The following ADTRP variants were observed in gnomAD, a reference collection of about 807,000 sequenced individuals.
ADTRP encodes androgen dependent TFPI regulating protein, also known as androgen-dependent TFPI-regulating protein.
Under a neutral mutation model 27.0 loss-of-function variants are expected in ADTRP, and 20 were observed. The ratio of observed to expected loss-of-function variants is 0.74; its 90% CI spans 0.52 to 1.08. The LOEUF (loss-of-function observed/expected upper bound fraction) is 1.08, where lower values mean the gene tolerates loss of function less well. Among genes scored for constraint, ADTRP ranks in the 50% least tolerant of loss-of-function variants. ADTRP has a pLI of 0.00. For missense variants in ADTRP, 251 were observed against 275.0 expected (o/e 0.91, Z 0.62); for synonymous variants, 101 against 105.2 (o/e 0.96, Z 0.25).
intron 1 of ADTRP, among the ~76,000 whole-genome samples, chr6:11,768,756 G>T (rs927160449): frequency 6.6e-6 from 1 of 152,116 alleles, no homozygotes; most frequent in Admixed American, 6.6e-5. Flanking sequence ...GCAGATACAG[G>T]GTGGACAGAG....
intron 5 of ADTRP, chr6:11,717,037 T>G: frequency 3.7e-6 from 1 of 270,834 alleles, no homozygotes; most frequent in South Asian, 3.9e-5. Context: ...TCTGACCATG[T>G]TTCTATAACG....
intron 1 of ADTRP, among the ~76,000 whole-genome samples, chr6:11,777,442 C>A (rs934742850): frequency 6.6e-6 from 1 of 151,896 alleles, no homozygotes. Flanking sequence ...AATAGAGACA[C>A]AAACCTTAGG....
rs1763643012 is a variant in ADTRP at position 11,768,361 on chromosome 6, C to A, written c.176G>T (p.Gly59Val). ...CAGCACATCATCCAGGCAGGTGACCCCGTAGAAAATGGTCTGCAAGAGCTA... is the reference window on the plus strand; with the variant it reads ...CAGCACATCATCCAGGCAGGTGACCACGTAGAAAATGGTCTGCAAGAGCTA... Reference protein sequence around the residue: ...LNLLLQTIFYGVTCLDDVLKR... With the variant: ...LNLLLQTIFYVVTCLDDVLKR... The change falls in exon 2 of 6, where the codon GGG becomes GTG. Residue 59 changes from glycine to valine, a missense_variant. Gly to Val is a moderately radical substitution (Grantham distance 109, BLOSUM62 -3). Coordinates refer to ENST00000414691, the MANE Select transcript of ADTRP (RefSeq NM_032744.4). 2 of 1,614,042 alleles carry A rather than the reference C, an allele frequency of 1.2e-6. No individual in the cohort carries two copies. The highest frequency in any genetic ancestry group is 1.3e-5 in the African/African-American group (1 of 74,930).
intron 4 of ADTRP, among the ~76,000 whole-genome samples, chr6:11,730,129 C>A (rs906322609): frequency 6.6e-6 from 1 of 152,214 alleles, no homozygotes; most frequent in South Asian, 2.1e-4. Flanking sequence ...ATACCCTCTC[C>A]TCTCCTAGTC....
chr6:11,758,113 G>A (rs575886787), intron 3 of ADTRP, among the ~76,000 whole-genome samples: 1 of 152,316 alleles, frequency 6.6e-6, no homozygotes, highest in African/African-American at 2.4e-5. Flanking sequence ...AATCTGTGCA[G>A]TGGGAAGTGA....
At chr6:11,742,864 G>T (rs1762760754) in intron 3 of ADTRP, among the ~76,000 whole-genome samples, 1 of 152,078 alleles carries the variant, frequency 6.6e-6, no homozygotes. Flanking sequence ...TGTTTTGTTT[G>T]TTTTTGTTCC....
intron 2 of ADTRP, among the ~76,000 whole-genome samples, chr6:11,766,743 T>C (rs1170734897): frequency 6.6e-6 from 1 of 152,168 alleles, no homozygotes; most frequent in Non-Finnish European, 1.5e-5. Context: ...AGTAGGCACA[T>C]GGAGTAGCTT....
intron 1 of ADTRP, among the ~76,000 whole-genome samples, chr6:11,769,854 G>A (rs1328360695): frequency 1.3e-5 from 2 of 152,098 alleles, no homozygotes; most frequent in Non-Finnish European, 2.9e-5. Flanking sequence ...ACCACTGAAT[G>A]AGACCCAAGT....
intron 3 of ADTRP, among the ~76,000 whole-genome samples, chr6:11,760,754 C>A (rs1030463267): frequency 6.6e-6 from 1 of 152,176 alleles, no homozygotes; most frequent in African/African-American, 2.4e-5. Flanking sequence ...AACTCACGTG[C>A]CTAAATGGAA....
At chr6:11,743,611 C>T (rs558541793) in intron 3 of ADTRP, among the ~76,000 whole-genome samples, 3 of 152,330 alleles carry the variant, frequency 2.0e-5, no homozygotes, top group African/African-American at 7.2e-5. Flanking sequence ...AACACTCGTA[C>T]GTTCGCCTAA....
At chr6:11,723,626 A>C in intron 4 of ADTRP, 126 bp from the exon 5 acceptor site, 1 of 1,077,516 alleles carries the variant, frequency 9.3e-7, no homozygotes, top group African/African-American at 1.6e-5. Context: ...GTTTGTCAAC[A>C]GCTGTAGTAT....
At chr6:11,728,849 GA>G (rs1273879178) in intron 4 of ADTRP, among the ~76,000 whole-genome samples, 3 of 152,132 alleles carry the variant, frequency 2.0e-5, no homozygotes, top group Non-Finnish European at 2.9e-5. Flanking sequence ...ACAGGCTCTG[GA>G]AATTTGGAAA....
At chr6:11,772,716 G>A (rs1763824388) in intron 1 of ADTRP, among the ~76,000 whole-genome samples, 1 of 152,246 alleles carries the variant, frequency 6.6e-6, no homozygotes, top group Admixed American at 6.5e-5. Context: ...ATTGGGGGCT[G>A]TGATGAGTCC....
intron 5 of ADTRP, among the ~76,000 whole-genome samples, chr6:11,721,919 A>G (rs1243142837): frequency 6.6e-6 from 1 of 151,520 alleles, no homozygotes; most frequent in Non-Finnish European, 1.5e-5. Context: ...AATTAACTCA[A>G]TACATTATTG....
intron 4 of ADTRP, among the ~76,000 whole-genome samples, chr6:11,734,955 CT>C (rs1192870987): frequency 1.3e-5 from 2 of 151,956 alleles, no homozygotes; most frequent in Non-Finnish European, 2.9e-5. Flanking sequence ...TTCCCACTCA[CT>C]GGGTGAAAGG....
At chr6:11,748,399 A>G (rs1441332346) in intron 3 of ADTRP, among the ~76,000 whole-genome samples, 2 of 152,208 alleles carry the variant, frequency 1.3e-5, no homozygotes, top group East Asian at 3.8e-4. Context: ...GGTCATAGAG[A>G]AACTACTGAA....
intron 3 of ADTRP, among the ~76,000 whole-genome samples, chr6:11,737,871 A>G (rs146286732): frequency 1.3e-5 from 2 of 152,166 alleles, no homozygotes; most frequent in Admixed American, 1.3e-4. Flanking sequence ...CCCCCGTCGC[A>G]CCTTGCATAT....
intron 3 of ADTRP, among the ~76,000 whole-genome samples, chr6:11,750,302 CAA>C (rs752100859): frequency 1.3e-5 from 2 of 152,180 alleles, no homozygotes; most frequent in African/African-American, 2.4e-5. Context: ...TCCCAATTAA[CAA>C]ATAGGACTTG....
At chr6:11,735,530 C>A in intron 4 of ADTRP, 38 bp downstream of exon 4, 2 of 1,517,860 alleles carry the variant, frequency 1.3e-6, no homozygotes, top group Non-Finnish European at 1.8e-6. Flanking sequence ...GGGTCTTGAA[C>A]GACAAGCCTA....
Sources: allele counts gnomAD v4.1 joint callset (sites outside exome capture counted in the v4.1 genomes callset), GRCh38; gene constraint gnomAD v4.1.1; transcripts MANE v1.5; gene names NCBI Gene and HGNC (gene_info 2026-07-23, HGNC 2026-07-21).